LEPR: variants seen among roughly 807,000 people sequenced by gnomAD.
LEPR encodes the protein leptin receptor.
Under a neutral mutation model 114.7 loss-of-function variants are expected in LEPR, and 56 were observed. That is an observed-to-expected ratio of 0.49 (90% CI 0.39 to 0.61). The LOEUF is 0.61. Ranked by LOEUF, LEPR falls within the 20% of genes least tolerant of loss-of-function variation. The probability of loss-of-function intolerance (pLI) is 0.00; values close to 1 mark genes in which losing one functional copy is unlikely to be tolerated. For synonymous variants in LEPR, 443 were observed against 461.4 expected (o/e 0.96, Z 0.51); for missense variants, 1,202 against 1,352.9 (o/e 0.89, Z 1.75).
chr1:65,453,492 T>C (rs1273908833), intron 2 of LEPR, among the ~76,000 whole-genome samples: 2 of 152,036 alleles, frequency 1.3e-5, no homozygotes, highest in East Asian at 1.9e-4. Context: ...TTTGTTCTCG[T>C]TGGTTTCAAA....
At chr1:65,458,761 A>T (rs1484767404) in intron 2 of LEPR, among the ~76,000 whole-genome samples, 1 of 152,080 alleles carries the variant, frequency 6.6e-6, no homozygotes, top group African/African-American at 2.4e-5. Flanking sequence ...ATTCTCAGCC[A>T]ATGTTTCTTT....
chr1:65,629,843 A>G (rs17127828), intron 19 of LEPR, among the ~76,000 whole-genome samples: 8,874 of 152,052 alleles, frequency 0.058, 589 homozygotes, highest in South Asian at 0.21. Flanking sequence ...CTCCTACTTC[A>G]ATCAGGACTA....
At chr1:65,443,311 T>C (rs1646672750) in intron 2 of LEPR, among the ~76,000 whole-genome samples, 2 of 152,090 alleles carry the variant, frequency 1.3e-5, no homozygotes, top group South Asian at 2.1e-4. Context: ...CCCAGCATTT[T>C]GGGAGGCTGA....
chr1:65,611,399 C>T (rs1657160318), intron 14 of LEPR, among the ~76,000 whole-genome samples: 1 of 152,168 alleles, frequency 6.6e-6, no homozygotes, highest in Admixed American at 6.5e-5. Context: ...GAATAAGAAA[C>T]AAGAGTCTTG....
chr1:65,547,699 T>C (rs549173147), intron 2 of LEPR, among the ~76,000 whole-genome samples: 1,812 of 150,418 alleles, frequency 0.012, 42 homozygotes, highest in African/African-American at 0.042. Context: ...CTTCTCTCTT[T>C]TTTTCTTTAT....
intron 2 of LEPR, among the ~76,000 whole-genome samples, chr1:65,466,111 T>G (rs1396590193): frequency 1.3e-5 from 2 of 152,228 alleles, no homozygotes; most frequent in Non-Finnish European, 2.9e-5. Flanking sequence ...ATGCAGTTTC[T>G]TCATAGTGTC....
chr1:65,571,460 A>T (rs1181291714), intron 4 of LEPR, among the ~76,000 whole-genome samples: 1 of 152,128 alleles, frequency 6.6e-6, no homozygotes, highest in Non-Finnish European at 1.5e-5. Flanking sequence ...AAACAACAAA[A>T]TTATCCCAAG....
At chr1:65,627,142 T>TAAC (rs1658266417) in intron 19 of LEPR, among the ~76,000 whole-genome samples, 1 of 152,196 alleles carries the variant, frequency 6.6e-6, no homozygotes, top group African/African-American at 2.4e-5. Context: ...CCTGTCCATG[T>TAAC]AACATCTGTG....
At chr1:65,528,001 T>C (rs1195106180) in intron 2 of LEPR, among the ~76,000 whole-genome samples, 1 of 152,150 alleles carries the variant, frequency 6.6e-6, no homozygotes, top group African/African-American at 2.4e-5. Flanking sequence ...TGGCAGAGGC[T>C]CTGTTCCTCC....
intron 15 of LEPR, among the ~76,000 whole-genome samples, chr1:65,616,981 C>T (rs1657565945): frequency 6.6e-6 from 1 of 152,014 alleles, no homozygotes; most frequent in Admixed American, 6.6e-5. Flanking sequence ...ATTTTATGTC[C>T]TGTTTACATT....
intron 2 of LEPR, among the ~76,000 whole-genome samples, chr1:65,477,057 C>A (rs941031557): frequency 6.6e-6 from 1 of 152,124 alleles, no homozygotes; most frequent in South Asian, 2.1e-4. Context: ...ACAAATTGCA[C>A]TTTATGTGTT....
chr1:65,544,389 A>C (rs1180042067), intron 2 of LEPR, among the ~76,000 whole-genome samples: 2 of 151,994 alleles, frequency 1.3e-5, no homozygotes, highest in Non-Finnish European at 2.9e-5. Context: ...CTCTGCAAAC[A>C]GAGACAATTT....
At chr1:65,480,257 A>C (rs1647206865) in intron 2 of LEPR, among the ~76,000 whole-genome samples, 1 of 152,224 alleles carries the variant, frequency 6.6e-6, no homozygotes, top group Non-Finnish European at 1.5e-5. Flanking sequence ...GCAACAAAGA[A>C]AAACCGTATC....
chr1:65,497,152 T>G (rs1648206526), intron 2 of LEPR, among the ~76,000 whole-genome samples: 1 of 152,148 alleles, frequency 6.6e-6, no homozygotes, highest in African/African-American at 2.4e-5. Flanking sequence ...TAGAAAAAAT[T>G]ATCCCTACCC....
rs955800526 is a variant in LEPR, at chr1:65,439,631, A to G, written c.-21+14253A>G. Among the ~76,000 whole-genome samples the G allele has an allele frequency of 3.3e-5, 5 of 152,200 alleles. No individual in the cohort carries two copies. The East Asian group carries it at 7.7e-4, about 24-fold the overall frequency. On this transcript the variant is annotated intron_variant, in intron 2 of 19. Transcript: ENST00000349533. ...CAGGAGTTCAAGACCAGCCTGGCCA[A>G]CCTGGTGAAACCCTGTCTCTACTAA...
chr1:65,518,680 T>C (rs1159701586), intron 2 of LEPR, among the ~76,000 whole-genome samples: 2 of 152,210 alleles, frequency 1.3e-5, no homozygotes, highest in African/African-American at 4.8e-5. Context: ...CTCAGCTATA[T>C]GCCCAACTTC....
At chr1:65,510,619 T>C (rs548464152) in intron 2 of LEPR, among the ~76,000 whole-genome samples, 111 of 152,312 alleles carry the variant, frequency 7.3e-4, no homozygotes, top group African/African-American at 2.5e-3. Flanking sequence ...TTATGTGCAT[T>C]GCCACAGAAG....
At chr1:65,455,459 T>C (rs4053704) in intron 2 of LEPR, among the ~76,000 whole-genome samples, 43,986 of 151,240 alleles carry the variant, frequency 0.29, 7,933 homozygotes, top group Non-Finnish European at 0.42. Context: ...GATGGGTTTT[T>C]GGTGTGGATG....
At chr1:65,546,958 C>G in intron 2 of LEPR, among the ~76,000 whole-genome samples, 1 of 152,142 alleles carries the variant, frequency 6.6e-6, no homozygotes, top group Non-Finnish European at 1.5e-5. Context: ...TCATAGATAG[C>G]TCATTATTTT....
Sources: gnomAD v4.1 joint callset for allele counts (sites outside exome capture counted in the v4.1 genomes callset) on GRCh38, gnomAD v4.1.1 for gene constraint, MANE v1.5 for transcripts, NCBI Gene and HGNC (gene_info 2026-07-23, HGNC 2026-07-21) for gene names.